Variants in TXNDC16 observed in about 807,000 individuals in gnomAD.
TXNDC16 encodes thioredoxin domain containing 16.
Under a neutral mutation model 85.6 loss-of-function variants are expected in TXNDC16, and 74 were observed. The observed-to-expected ratio is 0.86, with a 90% CI of 0.72 to 1.05. TXNDC16 has a LOEUF of 1.05. Ranked by LOEUF, TXNDC16 falls within the 50% of genes least tolerant of loss-of-function variation. The pLI, the probability that TXNDC16 is intolerant of heterozygous loss-of-function variation, is 0.00. For synonymous variants in TXNDC16, 335 were observed against 326.5 expected, an observed-to-expected ratio of 1.03 and a Z score of -0.28; for missense variants, 959 against 947.0, an observed-to-expected ratio of 1.01 and a Z score of -0.17.
chr14:52,488,296 T>A, intron 12 of TXNDC16, 67 bp downstream of exon 12: 1 of 1,574,252 alleles, frequency 6.4e-7, no homozygotes, highest in Non-Finnish European at 8.6e-7. Flanking sequence ...GTTAATCCAT[T>A]GGAAATTTCA....
chr14:52,533,031 C>T (rs1014294502), intron 6 of TXNDC16, among the ~76,000 whole-genome samples: 14 of 152,048 alleles, frequency 9.2e-5, no homozygotes, highest in African/African-American at 3.4e-4. Flanking sequence ...AATTCTACTT[C>T]CTTGATATTT....
At chr14:52,516,890 G>A (rs1253793005) in intron 7 of TXNDC16, among the ~76,000 whole-genome samples, 4 of 151,984 alleles carry the variant, frequency 2.6e-5, no homozygotes, top group Non-Finnish European at 4.4e-5. Flanking sequence ...ACTCTCTCTA[G>A]TACTACTCCT....
intron 6 of TXNDC16, among the ~76,000 whole-genome samples, chr14:52,530,247 A>ATTATGTAATT (rs1491407146): frequency 2.2e-5 from 1 of 45,964 alleles, no homozygotes; most frequent in African/African-American, 1.4e-4. Context: ...AATAATATAT[A>ATTATGTAATT]ATATATATTA....
chr14:52,534,392 A>G (rs2140219295), intron 6 of TXNDC16, among the ~76,000 whole-genome samples: 1 of 152,278 alleles, frequency 6.6e-6, no homozygotes, highest in East Asian at 1.9e-4. Flanking sequence ...TTCTTAAAAC[A>G]TTATGAGATG....
intron 17 of TXNDC16, 128 bp from the exon 18 acceptor site, chr14:52,455,590 C>A: frequency 2.9e-6 from 3 of 1,034,816 alleles, no homozygotes; most frequent in Non-Finnish European, 4.2e-6. Flanking sequence ...AAAAAATGAA[C>A]TCCATTTCCA....
chr14:52,513,856 A>G (rs1435061661), intron 8 of TXNDC16, among the ~76,000 whole-genome samples: 1 of 152,128 alleles, frequency 6.6e-6, no homozygotes, highest in Non-Finnish European at 1.5e-5. Context: ...AGAGAATACA[A>G]ACAACTAACC....
At chr14:52,499,197 A>C (rs1271568739) in intron 9 of TXNDC16, among the ~76,000 whole-genome samples, 1 of 152,202 alleles carries the variant, frequency 6.6e-6, no homozygotes, top group African/African-American at 2.4e-5. Flanking sequence ...ACCTAAACAT[A>C]AGACCTGAAA....
chr14:52,519,331 ATATG>A, intron 6 of TXNDC16, 38 bp from the exon 7 acceptor site: 1 of 1,506,976 alleles, frequency 6.6e-7, no homozygotes, highest in Non-Finnish European at 9.1e-7. Context: ...GAAAAATCTG[ATATG>A]TATTTAGTTA....
chr14:52,470,368 G>T, intron 15 of TXNDC16, 144 bp downstream of exon 15: 1 of 1,069,998 alleles, frequency 9.3e-7, no homozygotes, highest in Non-Finnish European at 1.3e-6. Context: ...GTGTTGAAAT[G>T]TACACAGACT....
intron 6 of TXNDC16, among the ~76,000 whole-genome samples, chr14:52,529,674 TAATATATATAATGCCTATTATATATAA>T (rs2037438285): frequency 9.3e-6 from 1 of 107,252 alleles, no homozygotes; most frequent in Admixed American, 1.2e-4. Context: ...CTATTATATA[TAATATATATAATGCCTATTATATATAA>T]TATATATAAT....
At chr14:52,529,751 A>C (rs2037444392) in intron 6 of TXNDC16, among the ~76,000 whole-genome samples, 1 of 118,564 alleles carries the variant, frequency 8.4e-6, no homozygotes, top group Non-Finnish European at 1.6e-5. Flanking sequence ...ATTATATATT[A>C]TATATAATAC....
At chr14:52,439,125 T>C in intron 20 of TXNDC16, 79 bp downstream of exon 20, 2 of 1,388,126 alleles carry the variant, frequency 1.4e-6, no homozygotes, top group African/African-American at 1.4e-5. Flanking sequence ...CATCCTACCA[T>C]TCTTTAGCTA....
At chr14:52,455,560 G>A in intron 17 of TXNDC16, 98 bp from the exon 18 acceptor site, 1 of 1,402,246 alleles carries the variant, frequency 7.1e-7, no homozygotes, top group South Asian at 1.4e-5. Context: ...GCAGCAAATG[G>A]GAATTCCTAC....
At chr14:52,542,979 G>A (rs1299995004) in intron 3 of TXNDC16, among the ~76,000 whole-genome samples, 1 of 152,036 alleles carries the variant, frequency 6.6e-6, no homozygotes, top group Admixed American at 6.6e-5. Flanking sequence ...TAACAATACA[G>A]CTAAAGCAGG....
At chr14:52,439,896 T>C (rs2035127784) in intron 19 of TXNDC16, among the ~76,000 whole-genome samples, 1 of 81,136 alleles carries the variant, frequency 1.2e-5, no homozygotes, top group African/African-American at 5.0e-5. Context: ...AAGTTAAAGA[T>C]ACTTAGTTTT....
chr14:52,436,569 GTATAT>G (rs1163630083), intron 20 of TXNDC16, among the ~76,000 whole-genome samples: 1 of 152,000 alleles, frequency 6.6e-6, no homozygotes, highest in African/African-American at 2.4e-5. Flanking sequence ...GAATTTTATG[GTATAT>G]TATATTTCAA....
At chr14:52,528,163 G>T (rs1197406996) in intron 6 of TXNDC16, among the ~76,000 whole-genome samples, 4 of 152,002 alleles carry the variant, frequency 2.6e-5, no homozygotes, top group Non-Finnish European at 4.4e-5. Flanking sequence ...CTAAAACAAT[G>T]ATCTTTTCTG....
At chr14:52,546,546 A>G (rs1020721391) in intron 1 of TXNDC16, among the ~76,000 whole-genome samples, 5 of 152,198 alleles carry the variant, frequency 3.3e-5, no homozygotes, top group Non-Finnish European at 7.3e-5. Context: ...TTCAGGCAAC[A>G]GTTTCGGCAG....
chr14:52,488,358 A>G lies in TXNDC16; in HGVS notation c.1108+5T>C, dbSNP rs1411699917. On this transcript the variant is annotated splice_donor_5th_base_variant and intron_variant, in intron 12 of 20. Coordinates refer to ENST00000281741, the MANE Select transcript of TXNDC16 (RefSeq NM_020784.3). ...GGGGAAGGGGTGAGAATCATAACACATTACCTATATCTGGACCTTCCATGT... is the reference window on the plus strand; with the variant it reads ...GGGGAAGGGGTGAGAATCATAACACGTTACCTATATCTGGACCTTCCATGT... 6.2e-7 allele frequency: 1 copy of G among 1,612,922 alleles called. No homozygotes were observed. Among genetic ancestry groups the G allele is most frequent in the Non-Finnish European group, 8.5e-7 (1 of 1,179,424 alleles).
Sources: gnomAD v4.1 joint callset for allele counts (sites outside exome capture counted in the v4.1 genomes callset) on GRCh38, gnomAD v4.1.1 for gene constraint, MANE v1.5 for transcripts, NCBI Gene and HGNC (gene_info 2026-07-23, HGNC 2026-07-21) for gene names.